The following MALRD1 variants were observed in gnomAD, a reference collection of about 807,000 sequenced individuals.
MALRD1 encodes MAM and LDL receptor class A domain containing 1.
A neutral mutation model predicts 242.1 loss-of-function variants in MALRD1; 247 were observed. The ratio of observed to expected loss-of-function variants is 1.02; its 90% CI spans 0.92 to 1.13. The LOEUF (loss-of-function observed/expected upper bound fraction) is 1.13, where lower values mean the gene tolerates loss of function less well. Among genes scored for constraint, MALRD1 ranks in the 50% most tolerant of loss-of-function variants. The pLI, the probability that MALRD1 is intolerant of heterozygous loss-of-function variation, is 0.00. For missense variants in MALRD1, 2,989 were observed against 2,533.1 expected (o/e 1.18, Z -3.86); for synonymous variants, 995 against 866.6 (o/e 1.15, Z -2.60).
intron 28 of MALRD1, among the ~76,000 whole-genome samples, chr10:19,420,956 T>C (rs774213669): frequency 2.0e-4 from 30 of 152,168 alleles, no homozygotes; most frequent in Non-Finnish European, 3.7e-4. Flanking sequence ...CATTTTGACT[T>C]TGTTCACATA....
intron 31 of MALRD1, among the ~76,000 whole-genome samples, chr10:19,505,009 GTT>G (rs1218821142): frequency 1.3e-5 from 2 of 151,980 alleles, no homozygotes; most frequent in East Asian, 3.9e-4. Flanking sequence ...AGATTAAACT[GTT>G]TGACAAGAAA....
intron 28 of MALRD1, among the ~76,000 whole-genome samples, chr10:19,393,366 T>C (rs1846417099): frequency 6.6e-6 from 1 of 151,652 alleles, no homozygotes; most frequent in African/African-American, 2.4e-5. Context: ...TTTTACAACA[T>C]GAAATTAACT....
At chr10:19,680,069 A>G (rs557126478) in intron 36 of MALRD1, among the ~76,000 whole-genome samples, 45 of 152,190 alleles carry the variant, frequency 3.0e-4, no homozygotes, top group South Asian at 2.7e-3. Context: ...TATGTGATCA[A>G]TTTTAGAGTT....
intron 21 of MALRD1, among the ~76,000 whole-genome samples, chr10:19,303,513 C>T (rs557339212): frequency 4.1e-4 from 62 of 151,678 alleles, no homozygotes; most frequent in Admixed American, 1.7e-3. Context: ...AGAATTAATG[C>T]GATTAGCAAA....
At chr10:19,669,420 G>A (rs993998339) in intron 36 of MALRD1, among the ~76,000 whole-genome samples, 1 of 152,182 alleles carries the variant, frequency 6.6e-6, no homozygotes, top group Non-Finnish European at 1.5e-5. Context: ...ACCCAGGGCT[G>A]ATGTTCGAGA....
chr10:19,512,169 A>G (rs542130918), intron 31 of MALRD1, among the ~76,000 whole-genome samples: 23 of 152,206 alleles, frequency 1.5e-4, no homozygotes, highest in African/African-American at 4.3e-4. Context: ...GCCCTAGATC[A>G]TGAAAAATGT....
At chr10:19,165,263 A>T (rs374929720) in intron 12 of MALRD1, among the ~76,000 whole-genome samples, 29,028 of 131,224 alleles carry the variant, frequency 0.22, 5,009 homozygotes, top group Admixed American at 0.31. Context: ...ATATATATAT[A>T]TATTTTGTTT....
At chr10:19,142,171 CAAAAAAAAA>C (rs529000033) in intron 10 of MALRD1, among the ~76,000 whole-genome samples, 9 of 26,274 alleles carry the variant, frequency 3.4e-4, no homozygotes, top group African/African-American at 5.1e-4. Flanking sequence ...GACTCTAACT[CAAAAAAAAA>C]AAAAAAAAAA....
At chr10:19,658,452 A>G (rs1841274529) in intron 36 of MALRD1, among the ~76,000 whole-genome samples, 1 of 152,106 alleles carries the variant, frequency 6.6e-6, no homozygotes, top group Non-Finnish European at 1.5e-5. Flanking sequence ...CAGGAGAGCT[A>G]AACAGTTTAT....
chr10:19,385,975 G>T (rs1313342032), intron 26 of MALRD1, among the ~76,000 whole-genome samples: 1 of 152,062 alleles, frequency 6.6e-6, no homozygotes, highest in Non-Finnish European at 1.5e-5. Context: ...CATAGACAGA[G>T]TCCATGGTTG....
At chr10:19,388,544 A>G (rs4748575) in intron 27 of MALRD1, among the ~76,000 whole-genome samples, 13,932 of 152,214 alleles carry the variant, frequency 0.092, 848 homozygotes, top group East Asian at 0.17. Context: ...TTTTGAGATG[A>G]TAAAATTTGA....
intron 21 of MALRD1, 52 bp downstream of exon 21, chr10:19,283,233 T>C (rs1200686065): frequency 4.4e-6 from 6 of 1,349,504 alleles, no homozygotes; most frequent in East Asian, 2.9e-5. Context: ...TTATTAAGCA[T>C]CTCCCAAATT....
chr10:19,143,440 A>T (rs1412931551), intron 10 of MALRD1, among the ~76,000 whole-genome samples: 1 of 152,208 alleles, frequency 6.6e-6, no homozygotes, highest in Non-Finnish European at 1.5e-5. Flanking sequence ...AATGAAGAAC[A>T]TTGCTGTTTG....
At chr10:19,081,033 G>C (rs1434051060) in intron 2 of MALRD1, among the ~76,000 whole-genome samples, 3 of 151,916 alleles carry the variant, frequency 2.0e-5, no homozygotes, top group Non-Finnish European at 4.4e-5. Flanking sequence ...TCATTGATTA[G>C]TAGAGAAATG....
At chr10:19,142,377 T>G (rs183629194) in intron 10 of MALRD1, among the ~76,000 whole-genome samples, 40 of 152,230 alleles carry the variant, frequency 2.6e-4, no homozygotes, top group Middle Eastern at 3.4e-3. Flanking sequence ...ATACATAGCT[T>G]TTTGTTTCTT....
chr10:19,452,922 C>A (rs998332436), intron 29 of MALRD1, among the ~76,000 whole-genome samples: 1 of 152,152 alleles, frequency 6.6e-6, no homozygotes, highest in Admixed American at 6.5e-5. Context: ...CTTCATTTCG[C>A]TTTGCGTCGG....
intron 18 of MALRD1, among the ~76,000 whole-genome samples, chr10:19,257,398 G>A (rs773333763): frequency 5.3e-5 from 8 of 152,002 alleles, no homozygotes; most frequent in Non-Finnish European, 1.2e-4. Context: ...AAAGTTATAG[G>A]GCAGTGGATA....
At chr10:19,653,685 G>A (rs1840994141) in intron 36 of MALRD1, among the ~76,000 whole-genome samples, 1 of 150,516 alleles carries the variant, frequency 6.6e-6, no homozygotes, top group Non-Finnish European at 1.5e-5. Context: ...AATAGTCTAT[G>A]TAAATTTCAG....
Position 19,491,498 on chromosome 10 carries a change from T to C in MALRD1, c.5030-19T>C. On this transcript the variant is annotated intron_variant, in intron 29 of 39. Coordinates refer to ENST00000454679, the MANE Select transcript of MALRD1 (RefSeq NM_001142308.3). ...AAATATTGATGGAATACTGCTTTTG[T>C]TTTTTTGTTTTTCCCTAGTGGGAGA... The C allele has an allele frequency of 6.5e-7, 1 of 1,546,466 alleles. No homozygotes were observed. The highest frequency in any genetic ancestry group is 1.2e-5 in the South Asian group (1 of 83,990).
Sources: allele counts gnomAD v4.1 joint callset (sites outside exome capture counted in the v4.1 genomes callset), GRCh38; gene constraint gnomAD v4.1.1; transcripts MANE v1.5; gene names NCBI Gene and HGNC (gene_info 2026-07-23, HGNC 2026-07-21).